Variants in DPH6 observed in about 807,000 individuals in gnomAD.
DPH6 encodes diphthamine biosynthesis 6.
In DPH6, 33 loss-of-function variants were observed where a neutral mutation model predicts 38.2. The ratio of observed to expected loss-of-function variants is 0.86; its 90% CI spans 0.65 to 1.15. The LOEUF (loss-of-function observed/expected upper bound fraction) is 1.15. DPH6 is among the 50% of genes most tolerant of loss of function. DPH6 has a pLI of 0.00. For missense variants in DPH6, 325 were observed against 320.0 expected (o/e 1.02, Z -0.12); for synonymous variants, 108 against 103.0 (o/e 1.05, Z -0.30).
At chr15:35,270,403 T>C (rs574139546) in intron 3 of DPH6, among the ~76,000 whole-genome samples, 4 of 152,362 alleles carry the variant, frequency 2.6e-5, no homozygotes, top group Non-Finnish European at 5.9e-5. Context: ...TGAGATAATT[T>C]TGATGGTAAA....
chr15:35,282,964 G>C, intron 3 of DPH6: 1 of 298,728 alleles, frequency 3.3e-6, no homozygotes, highest in Non-Finnish European at 7.0e-6. Flanking sequence ...GGCTTGGCCT[G>C]CACATCTTGA....
chr15:35,366,210 C>T (rs1251029259), downstream of DPH6, among the ~76,000 whole-genome samples: 9 of 148,042 alleles, frequency 6.1e-5, no homozygotes, highest in African/African-American at 2.3e-4. Context: ...GCCTACCATC[C>T]CAACACTTTT....
At chr15:35,408,140 C>A (rs2053319372) in intron 6 of DPH6, among the ~76,000 whole-genome samples, 1 of 151,778 alleles carries the variant, frequency 6.6e-6, no homozygotes, top group African/African-American at 2.4e-5. Context: ...GGAAATACAG[C>A]AGACAAGATC....
intron 3 of DPH6, among the ~76,000 whole-genome samples, chr15:35,343,351 A>G (rs2052437031): frequency 6.6e-6 from 1 of 152,086 alleles, no homozygotes; most frequent in South Asian, 2.1e-4. Context: ...CTACTAAGCA[A>G]TTCAGAATGA....
downstream of DPH6, among the ~76,000 whole-genome samples, chr15:35,370,021 C>T (rs1409862965): frequency 2.6e-5 from 4 of 151,750 alleles, no homozygotes; most frequent in African/African-American, 9.7e-5. Context: ...AGAGACAAAT[C>T]CATCAGTGGA....
intron 3 of DPH6, among the ~76,000 whole-genome samples, chr15:35,271,980 A>G (rs115512687): frequency 4.4e-3 from 675 of 152,240 alleles, no homozygotes; most frequent in African/African-American, 0.016. Flanking sequence ...TGTTTTCCTT[A>G]TTTATGAAAT....
At chr15:35,336,994 T>C (rs1595485782) in intron 3 of DPH6, among the ~76,000 whole-genome samples, 2 of 152,078 alleles carry the variant, frequency 1.3e-5, no homozygotes, top group African/African-American at 4.8e-5. Flanking sequence ...TCTTTTTCTA[T>C]TGATTGGAAT....
chr15:35,451,776 C>T (rs1336127632), intron 4 of DPH6, among the ~76,000 whole-genome samples: 1 of 152,100 alleles, frequency 6.6e-6, no homozygotes, highest in Non-Finnish European at 1.5e-5. Context: ...TTTGGGAGGC[C>T]AAGGCGGGTG....
chr15:35,474,363 G>T (rs1468240585), intron 3 of DPH6, among the ~76,000 whole-genome samples: 7 of 152,032 alleles, frequency 4.6e-5, no homozygotes, highest in African/African-American at 1.4e-4. Flanking sequence ...ATAAACATAT[G>T]GAATTACACA....
intron 3 of DPH6, among the ~76,000 whole-genome samples, chr15:35,242,672 A>G (rs2051608573): frequency 7.0e-6 from 1 of 143,076 alleles, no homozygotes; most frequent in Non-Finnish European, 1.5e-5. Context: ...CTTAAAAAGG[A>G]CTGGACAATA....
downstream of DPH6, among the ~76,000 whole-genome samples, chr15:35,214,221 C>T (rs1217832754): frequency 2.0e-5 from 3 of 151,972 alleles, no homozygotes; most frequent in South Asian, 2.1e-4. Flanking sequence ...GTACTACAGG[C>T]GGTGGTGTCC....
At chr15:35,349,269 A>G (rs932598873) in intron 3 of DPH6, among the ~76,000 whole-genome samples, 4 of 152,156 alleles carry the variant, frequency 2.6e-5, no homozygotes, top group African/African-American at 9.6e-5. Context: ...TTCACTTGTT[A>G]CTGAGAAAAA....
chr15:35,502,468 GA>G (rs2054639976), intron 3 of DPH6, among the ~76,000 whole-genome samples: 1 of 151,988 alleles, frequency 6.6e-6, no homozygotes, highest in African/African-American at 2.4e-5. Context: ...GTTTTATATT[GA>G]TGAATCTAAA....
chr15:35,434,450 G>C (rs1248109636), intron 5 of DPH6, among the ~76,000 whole-genome samples: 1 of 151,992 alleles, frequency 6.6e-6, no homozygotes, highest in African/African-American at 2.4e-5. Flanking sequence ...AAAAATTGAT[G>C]ACATAAAATG....
At chr15:35,279,209 C>T (rs1380603968) in intron 3 of DPH6, among the ~76,000 whole-genome samples, 1 of 151,646 alleles carries the variant, frequency 6.6e-6, no homozygotes, top group African/African-American at 2.4e-5. Flanking sequence ...ATAAGTGCAC[C>T]ACCATTGTAT....
intron 3 of DPH6, among the ~76,000 whole-genome samples, chr15:35,320,457 G>T (rs554104337): frequency 2.0e-5 from 3 of 152,190 alleles, no homozygotes; most frequent in African/African-American, 7.2e-5. Flanking sequence ...AGGCTCCTTT[G>T]GGAATCTCCC....
intron 3 of DPH6, chr15:35,331,089 A>T (rs1199862776): frequency 6.6e-6 from 1 of 152,174 alleles, no homozygotes; most frequent in African/African-American, 2.4e-5. Flanking sequence ...TTGAAGAGTA[A>T]GATAAAATAA....
At chr15:35,157,661 C>T in the DPH6 span, among the ~76,000 whole-genome samples, 1 of 152,060 alleles carries the variant, frequency 6.6e-6, no homozygotes, top group Non-Finnish European at 1.5e-5. Flanking sequence ...TATGCATGTA[C>T]AATCAAGTTA....
the DPH6 span, among the ~76,000 whole-genome samples, chr15:35,159,056 C>A: frequency 6.6e-6 from 1 of 152,090 alleles, no homozygotes. Context: ...TATACTTCTA[C>A]TTTTCTAAGC....
Sources: gnomAD v4.1 joint callset for allele counts (sites outside exome capture counted in the v4.1 genomes callset) on GRCh38, gnomAD v4.1.1 for gene constraint, MANE v1.5 for transcripts, NCBI Gene and HGNC (gene_info 2026-07-23, HGNC 2026-07-21) for gene names.